ZFHX3: variants seen among roughly 807,000 people sequenced by gnomAD.
ZFHX3 encodes the protein zinc finger homeobox 3, also known as zinc finger homeobox protein 3.
ZFHX3 carries 42 observed loss-of-function variants against 279.1 expected under a neutral mutation model. The observed-to-expected ratio is 0.15, with a 90% CI of 0.12 to 0.19. ZFHX3 has a LOEUF of 0.19. Ranked by LOEUF, ZFHX3 falls within the 10% of genes least tolerant of loss-of-function variation. The probability of loss-of-function intolerance (pLI) is 1.00; values close to 1 mark genes in which losing one functional copy is unlikely to be tolerated. For missense variants in ZFHX3, 4,981 were observed against 4,754.0 expected (o/e 1.05, Z -1.40); for synonymous variants, 2,293 against 1,957.8 (o/e 1.17, Z -4.52).
rs1345243521 is a variant in ZFHX3 at position 73,401,364 on chromosome 16, AAAACAAAACACAC to A, written c.-1291+54626_-1291+54638del. 52 of 138,038 alleles carry A rather than the reference AAAACAAAACACAC, an allele frequency of 3.8e-4. 3 individuals are homozygous for A. The East Asian group carries it at 0.01, about 28-fold the overall frequency. The allele number at this position is 138,038 out of a possible 1,614,324, so 8.6% of individuals were successfully genotyped here. On this transcript the variant is annotated intron_variant, in intron 3 of 17. Transcript: ENST00000641206. ...CAGGTACATTTAAAACAAAAAACAA[AAAACAAAACACAC>A]ACACACACACACACACACACACACA...
At chr16:73,857,309 C>T (rs1961758053) in intron 1 of ZFHX3, among the ~76,000 whole-genome samples, 1 of 152,124 alleles carries the variant, frequency 6.6e-6, no homozygotes, top group Non-Finnish European at 1.5e-5. Context: ...TGCTGTATTA[C>T]AGTTTGGAGA....
intron 1 of ZFHX3, among the ~76,000 whole-genome samples, chr16:73,796,092 G>A (rs1035221311): frequency 6.6e-5 from 10 of 152,192 alleles, no homozygotes; most frequent in Non-Finnish European, 2.9e-5. Context: ...GTTATATAAT[G>A]TCATGATTGT....
chr16:73,679,192 A>C (rs2052985588), intron 2 of ZFHX3, among the ~76,000 whole-genome samples: 1 of 152,038 alleles, frequency 6.6e-6, no homozygotes, highest in Non-Finnish European at 1.5e-5. Context: ...TTTGATACCA[A>C]GCATCTAGTC....
chr16:73,705,465 G>T (rs1328325069), intron 1 of ZFHX3, among the ~76,000 whole-genome samples: 1 of 152,160 alleles, frequency 6.6e-6, no homozygotes. Flanking sequence ...ATGCTGCAAA[G>T]GCGAGAAGAA....
chr16:73,205,666 G>C (rs2011769995), intron 5 of ZFHX3, among the ~76,000 whole-genome samples: 1 of 152,178 alleles, frequency 6.6e-6, no homozygotes, highest in Admixed American at 6.5e-5. Context: ...GAATGAAGCA[G>C]CTTTGTAACA....
intron 2 of ZFHX3, among the ~76,000 whole-genome samples, chr16:72,952,070 G>C (rs897352917): frequency 6.6e-6 from 1 of 152,102 alleles, no homozygotes; most frequent in Non-Finnish European, 1.5e-5. Context: ...GAGCAACATG[G>C]TGTACAAAAT....
intron 2 of ZFHX3, among the ~76,000 whole-genome samples, chr16:73,638,518 G>A (rs1425589189): frequency 2.6e-5 from 4 of 152,162 alleles, no homozygotes; most frequent in Admixed American, 2.0e-4. Flanking sequence ...TCAAATGACT[G>A]TGACCTCTTT....
intron 5 of ZFHX3, among the ~76,000 whole-genome samples, chr16:73,171,136 C>CT (rs1054167071): frequency 6.6e-6 from 1 of 152,030 alleles, no homozygotes; most frequent in African/African-American, 2.4e-5. Flanking sequence ...TATTTTTGCA[C>CT]TTTTTTTCTC....
chr16:73,398,425 A>G (rs1427939723), intron 3 of ZFHX3, among the ~76,000 whole-genome samples: 1 of 152,206 alleles, frequency 6.6e-6, no homozygotes, highest in African/African-American at 2.4e-5. Flanking sequence ...CACTGTTGGT[A>G]ATTCCAACTG....
At position 72,787,161 on chromosome 16, in the gene ZFHX3, A is replaced by G; in HGVS notation, c.*3T>C. On this transcript the variant is annotated 3_prime_UTR_variant, in exon 10 of 10. Coordinates refer to ENST00000268489, the MANE Select transcript of ZFHX3 (RefSeq NM_006885.4). Reference sequence around the variant, plus strand: ...ATTTGTTTGTATTGTTCATCTTCAAAGCTTACAATCTGAAGGTGTCCGTTC... The same window carrying G: ...ATTTGTTTGTATTGTTCATCTTCAAGGCTTACAATCTGAAGGTGTCCGTTC... The G allele has an allele frequency of 1.3e-6, 2 of 1,500,734 alleles. No individual in the cohort carries two copies. The highest frequency in any genetic ancestry group is 1.4e-5 in the South Asian group (1 of 71,622). The allele number at this position is 1,500,734 out of a possible 1,614,324, so 93.0% of individuals were successfully genotyped here. A position where few individuals can be genotyped will look rare whatever the true frequency, so the allele number is the denominator to read the frequency against.
intron 2 of ZFHX3, among the ~76,000 whole-genome samples, chr16:73,476,507 C>A (rs1323933822): frequency 1.3e-5 from 2 of 152,162 alleles, no homozygotes; most frequent in African/African-American, 4.8e-5. Flanking sequence ...ACATCAACTT[C>A]ATCACAAGAA....
chr16:73,845,386 G>GCA (rs1567428630), intron 1 of ZFHX3, among the ~76,000 whole-genome samples: 2 of 152,118 alleles, frequency 1.3e-5, no homozygotes, highest in African/African-American at 4.8e-5. Context: ...GCTAGTACAA[G>GCA]AAGCACCTTC....
chr16:73,151,734 A>G (rs371881682), intron 5 of ZFHX3, among the ~76,000 whole-genome samples: 1 of 152,186 alleles, frequency 6.6e-6, no homozygotes, highest in South Asian at 2.1e-4. Context: ...CTAAATTCCC[A>G]TGAAAATATT....
chr16:73,037,924 G>T (rs986144760), intron 1 of ZFHX3, among the ~76,000 whole-genome samples: 6 of 152,066 alleles, frequency 3.9e-5, no homozygotes, highest in African/African-American at 9.7e-5. Context: ...GCCATAAATC[G>T]TAACTGGCCC....
At chr16:73,539,273 G>C (rs1462673873) in intron 2 of ZFHX3, among the ~76,000 whole-genome samples, 3 of 151,816 alleles carry the variant, frequency 2.0e-5, no homozygotes, top group African/African-American at 7.3e-5. Flanking sequence ...ATGAGTTTGG[G>C]AATGTCCAGA....
chr16:73,470,340 C>A (rs1013061481), intron 2 of ZFHX3, among the ~76,000 whole-genome samples: 1 of 152,146 alleles, frequency 6.6e-6, no homozygotes, highest in Non-Finnish European at 1.5e-5. Flanking sequence ...TAAGTAAGAC[C>A]ATCCCAGACA....
intron 4 of ZFHX3, among the ~76,000 whole-genome samples, chr16:73,270,342 T>C (rs2144979146): frequency 6.6e-6 from 1 of 152,316 alleles, no homozygotes; most frequent in Middle Eastern, 3.4e-3. Flanking sequence ...CTCTCCCACG[T>C]GCTTAGAAAC....
At chr16:72,991,570 T>G (rs117393233) in intron 1 of ZFHX3, among the ~76,000 whole-genome samples, 2,134 of 152,344 alleles carry the variant, frequency 0.014, 37 homozygotes, top group East Asian at 0.098. Context: ...TTTAGCACAG[T>G]AGATGCTTAA....
intron 3 of ZFHX3, among the ~76,000 whole-genome samples, chr16:73,381,865 G>A (rs569977884): frequency 2.0e-5 from 3 of 152,300 alleles, no homozygotes; most frequent in South Asian, 2.1e-4. Flanking sequence ...AAGCCATCCC[G>A]GGCTGCATGC....
Sources: gnomAD v4.1 joint callset for allele counts (sites outside exome capture counted in the v4.1 genomes callset) on GRCh38, gnomAD v4.1.1 for gene constraint, MANE v1.5 for transcripts, NCBI Gene and HGNC (gene_info 2026-07-23, HGNC 2026-07-21) for gene names.